The following SHANK1 variants were observed in gnomAD, a reference collection of about 807,000 sequenced individuals.
SHANK1 encodes the protein SH3 and multiple ankyrin repeat domains 1.
Under a neutral mutation model 165.6 loss-of-function variants are expected in SHANK1, and 35 were observed. The observed-to-expected ratio is 0.21, with a 90% CI of 0.16 to 0.28. SHANK1 has a LOEUF of 0.28. Among genes scored for constraint, SHANK1 ranks in the 10% least tolerant of loss-of-function variants. SHANK1 has a pLI of 1.00. For missense variants in SHANK1, 2,681 were observed against 3,036.4 expected, an observed-to-expected ratio of 0.88 and a Z score of 2.75; for synonymous variants, 1,428 against 1,384.8, an observed-to-expected ratio of 1.03 and a Z score of -0.69.
intron 21 of SHANK1, among the ~76,000 whole-genome samples, chr19:50,681,857 G>C (rs1986191286): frequency 6.6e-6 from 1 of 151,730 alleles, no homozygotes; most frequent in Non-Finnish European, 1.5e-5. Context: ...CTGCAGCTTT[G>C]ACCTCCCTTG....
chr19:50,671,668 G>A (rs1343704639), intron 22 of SHANK1, among the ~76,000 whole-genome samples: 1 of 152,020 alleles, frequency 6.6e-6, no homozygotes, highest in Non-Finnish European at 1.5e-5. Flanking sequence ...GGCATGTGGG[G>A]AGCGCTTGGT....
chr19:50,711,101 C>T lies in SHANK1; in HGVS notation c.1077+270G>A, dbSNP rs544722637. 8 of 437,908 alleles carry T rather than the reference C, an allele frequency of 1.8e-5. No homozygotes were observed. In the Admixed American group the frequency reaches 2.9e-4, roughly 16 times the overall value. The allele number at this position is 437,908 out of a possible 1,614,324, so 27.1% of individuals were successfully genotyped here. On this transcript the variant is annotated intron_variant, in intron 8 of 23. Coordinates refer to ENST00000293441, the MANE Select transcript of SHANK1 (RefSeq NM_016148.5). The stretch of plus-strand genomic sequence containing the variant: ...TGTAGCAGCAAACTATGTTGTCTGC[C>T]CTCTGCTAGGCCATGAGCTCAACAC...
At position 50,667,013 on chromosome 19, in the gene SHANK1, G is replaced by C. The variant is rs996546146; in HGVS notation, c.4947C>G (p.Gly1649=). 1 of 1,557,520 alleles carries C rather than the reference G, an allele frequency of 6.4e-7. No homozygotes were observed. Among genetic ancestry groups the C allele is most frequent in the Non-Finnish European group, 8.7e-7 (1 of 1,154,002 alleles). The part of the protein sequence containing the change: ...SAAPGDPHPP[G]PPAPAAPAPA... ...GAGCCGGTGCTGCTGGGGCAGGCGGGCCTGGTGGATGGGGGTCCCCAGGAG... is the reference window on the plus strand; with the variant it reads ...GAGCCGGTGCTGCTGGGGCAGGCGGCCCTGGTGGATGGGGGTCCCCAGGAG... Residue 1649 remains glycine (G), a synonymous_variant, in exon 23 of 24, where the codon GGC becomes GGG. Coordinates refer to ENST00000293441, the MANE Select transcript of SHANK1 (RefSeq NM_016148.5). This position sits in a 1 kb window ranked among gnomAD's most constrained non-coding sequence, Gnocchi z 5.7.
Position 50,666,501 on chromosome 19 carries a change from G to C in SHANK1, c.5459C>G (p.Pro1820Arg). ...GVAGGPVAVEPEVPPVPLPTA... is the reference protein window; with the variant it reads ...GVAGGPVAVEREVPPVPLPTA... Reference sequence around the variant, plus strand: ...CGGCAAGGGCACCGGTGGGACTTCTGGCTCTACAGCCACCGGACCCCCCGC... The same window carrying C: ...CGGCAAGGGCACCGGTGGGACTTCTCGCTCTACAGCCACCGGACCCCCCGC... Residue 1820 changes from proline (P) to arginine (R), a missense_variant, in exon 23 of 24, where the codon CCA becomes CGA. By Grantham distance (103) the Pro-to-Arg change is moderately radical (BLOSUM62 -2). This residue lies in a region of SHANK1 where 1,713 missense variants were observed against 1,630.2 expected (regional missense o/e 1.05). Coordinates refer to ENST00000293441, the MANE Select transcript of SHANK1 (RefSeq NM_016148.5). 5.7e-6 allele frequency: 9 copies of C among 1,591,848 alleles called. 1 individual carries two copies. The South Asian group carries it at 9.0e-5, about 16-fold the overall frequency.
intron 15 of SHANK1, among the ~76,000 whole-genome samples, chr19:50,696,851 C>T (rs1986757268): frequency 6.6e-6 from 1 of 152,134 alleles, no homozygotes; most frequent in Non-Finnish European, 1.5e-5. Flanking sequence ...GAGCCAGCCC[C>T]ACAGTCATCA....
At chr19:50,706,786 A>C (rs970499920) in intron 8 of SHANK1, among the ~76,000 whole-genome samples, 3 of 151,506 alleles carry the variant, frequency 2.0e-5, no homozygotes, top group Admixed American at 6.6e-5. Context: ...TTATTTTTAA[A>C]ATTTTTTTGA....
rs565163328 is a variant in SHANK1, at chr19:50,686,588, C to T, written c.2458+156G>A. Among the ~76,000 whole-genome samples, 1 of 147,968 alleles carries T rather than the reference C, an allele frequency of 6.8e-6. No homozygotes were observed. The highest frequency in any genetic ancestry group is 2.5e-5 in the African/African-American group (1 of 40,622). Reference sequence around the variant, plus strand: ...GGGTGCGGGCAGGGAACGGGGCAGCCGTCGGGAGAGGGCGGGCGGAGGGAG... The same window carrying T: ...GGGTGCGGGCAGGGAACGGGGCAGCTGTCGGGAGAGGGCGGGCGGAGGGAG... On this transcript the variant is annotated intron_variant, in intron 20 of 23. Transcript: ENST00000293441. The surrounding 1 kb of genome is among the most constrained non-coding windows in gnomAD (Gnocchi z 5.7).
At chr19:50,673,779 T>A (rs983701221) in intron 21 of SHANK1, among the ~76,000 whole-genome samples, 3 of 151,768 alleles carry the variant, frequency 2.0e-5, no homozygotes, top group African/African-American at 7.3e-5. Flanking sequence ...CTGGATAATA[T>A]CGGTCTTTGC....
Position 50,713,407 on chromosome 19 carries a change from G to A in SHANK1, c.792+391C>T, listed in dbSNP as rs1212278850. On this transcript the variant is annotated intron_variant, in intron 6 of 23. Transcript: ENST00000293441. The surrounding 1 kb of genome is among the most constrained non-coding windows in gnomAD (Gnocchi z 6.2). ...GGTTTGGAAGGGTAGCTGGGGGGCT[G>A]TTTTCAGGGTGTGTGTGGAGGGGCT... Among the ~76,000 whole-genome samples the A allele has an allele frequency of 4.0e-5, 6 of 151,762 alleles. No homozygotes were observed. Among genetic ancestry groups the A allele is most frequent in the African/African-American group, 1.2e-4 (5 of 41,278 alleles).
intron 22 of SHANK1, among the ~76,000 whole-genome samples, chr19:50,669,955 C>G (rs181815303): frequency 4.6e-5 from 7 of 152,252 alleles, no homozygotes; most frequent in African/African-American, 1.4e-4. Context: ...AAGGCTCGGT[C>G]TTTGAACCTC....
In SHANK1 at chr19:50,668,737, C is replaced by T. The variant is rs1434435369; in HGVS notation, c.3223G>A (p.Gly1075Ser). 2.5e-5 allele frequency: 32 copies of T among 1,274,542 alleles called. No individual in the cohort carries two copies. Among genetic ancestry groups the T allele is most frequent in the Middle Eastern group, 3.0e-4 (1 of 3,374 alleles). The allele number at this position is 1,274,542 out of a possible 1,614,324, so 79.0% of individuals were successfully genotyped here. Residue 1075 changes from glycine to serine, a missense_variant, in exon 23 of 24, where the codon GGC becomes AGC. Physicochemically the swap from Gly to Ser is moderately conservative, Grantham distance 56 (BLOSUM62 0). This residue lies in a region of SHANK1 where 1,713 missense variants were observed against 1,630.2 expected (regional missense o/e 1.05). Transcript: ENST00000293441. ...CGTAGAGCCGGGCCCTGGGAGGAGC[C>T]GCCGCCCCCGCCCGCGCTGCCGTGG... is the stretch of plus-strand genomic sequence containing the variant. ...SHHGSAGGGG[G>S]SSQGPALRYF...
At chr19:50,677,438 C>A (rs1375523569) in intron 21 of SHANK1, among the ~76,000 whole-genome samples, 1 of 152,086 alleles carries the variant, frequency 6.6e-6, no homozygotes, top group Non-Finnish European at 1.5e-5. Context: ...CCCCATACTT[C>A]TTTAACAAGA....
At chr19:50,681,193 CAGAG>C (rs905600338) in intron 21 of SHANK1, among the ~76,000 whole-genome samples, 2 of 151,560 alleles carry the variant, frequency 1.3e-5, no homozygotes, top group Non-Finnish European at 2.9e-5. Flanking sequence ...TGTATTGACT[CAGAG>C]AGCGGGAAAG....
chr19:50,662,380 G>A lies in SHANK1; in HGVS notation c.6071C>T (p.Pro2024Leu), dbSNP rs865824347. The change falls in exon 24 of 24, where the codon CCT becomes CTT. Residue 2024 changes from proline (P) to leucine (L), a missense_variant. Transcript: ENST00000293441. The surrounding 1 kb of genome is among the most constrained non-coding windows in gnomAD (Gnocchi z 7.7). ...GAGGCCTGGGTAGAGGGGTCCGGAA[G>A]GCAGGATGGGCAGGGACGAGGGCCT... ...APRPSSLPIL[P>L]SGPLYPGLFD... 1 of 1,576,242 alleles carries A rather than the reference G, an allele frequency of 6.3e-7. No individual in the cohort carries two copies. Among genetic ancestry groups the A allele is most frequent in the Non-Finnish European group, 8.6e-7 (1 of 1,159,890 alleles).
In SHANK1 at chr19:50,670,017, C is replaced by G. The variant is rs1985735583; in HGVS notation, c.2675-732G>C. On this transcript the variant is annotated intron_variant, in intron 22 of 23. Coordinates refer to ENST00000293441, the MANE Select transcript of SHANK1 (RefSeq NM_016148.5). The surrounding 1 kb of genome is among the most constrained non-coding windows in gnomAD (Gnocchi z 4.1). ...ACTAGTGACCAGCTTCATTCACTGCCTTTCTGCTGTCGACGCCCACGTTTA... is the reference window on the plus strand; with the variant it reads ...ACTAGTGACCAGCTTCATTCACTGCGTTTCTGCTGTCGACGCCCACGTTTA... 6.6e-6 allele frequency among the ~76,000 whole-genome samples: 1 copy of G among 152,136 alleles called. No homozygotes were observed. The highest frequency in any genetic ancestry group is 2.4e-5 in the African/African-American group (1 of 41,408).
intron 12 of SHANK1, among the ~76,000 whole-genome samples, chr19:50,701,276 G>T (rs982868651): frequency 1.3e-5 from 2 of 151,032 alleles, no homozygotes; most frequent in African/African-American, 4.9e-5. Context: ...CCGCCTCCCG[G>T]GTTCAAGCAA....
At chr19:50,685,073 G>A (rs1188348898) in intron 21 of SHANK1, among the ~76,000 whole-genome samples, 1 of 152,252 alleles carries the variant, frequency 6.6e-6, no homozygotes, top group African/African-American at 2.4e-5. Context: ...ACTACGTGGT[G>A]GATGCGGCCA....
rs777406131 is a variant in SHANK1, at chr19:50,697,080, G to C, written c.1964+16C>G. Reference sequence around the variant, plus strand: ...CCCCTCCTGACCCCATCCCCTCCCTGCCCCTCGCCTCTCACCTCCCTGGGC... The same window carrying C: ...CCCCTCCTGACCCCATCCCCTCCCTCCCCCTCGCCTCTCACCTCCCTGGGC... On this transcript the variant is annotated intron_variant, in intron 15 of 23. Coordinates refer to ENST00000293441, the MANE Select transcript of SHANK1 (RefSeq NM_016148.5). The surrounding 1 kb of genome is among the most constrained non-coding windows in gnomAD (Gnocchi z 4.7). 1.3e-6 allele frequency: 2 copies of C among 1,597,356 alleles called. No individual in the cohort carries two copies. The highest frequency in any genetic ancestry group is 1.7e-6 in the Non-Finnish European group (2 of 1,170,706).
At position 50,666,195 on chromosome 19, in the gene SHANK1, T is replaced by A; in HGVS notation, c.5765A>T (p.Gln1922Leu). The change falls in exon 23 of 24, where the codon CAG (glutamine) becomes CTG (leucine). Residue 1922 changes from glutamine to leucine, a missense_variant. Physicochemically the swap from Gln to Leu is moderately radical, Grantham distance 113. Transcript: ENST00000293441. ...VPERTSSLQR[Q>L]RLSDDSQSSL... is the part of the protein sequence containing the mutation. ...TTGGCCACCAGCCCCCGCTTACCTC[T>A]GCCGCTGCAGGGAGGAGGTCCTCTC... 6.3e-7 allele frequency: 1 copy of A among 1,591,518 alleles called. No individual in the cohort carries two copies. The highest frequency in any genetic ancestry group is 8.6e-7 in the Non-Finnish European group (1 of 1,169,396).
Sources: allele counts gnomAD v4.1 joint callset (sites outside exome capture counted in the v4.1 genomes callset), GRCh38; gene constraint gnomAD v4.1.1; regional missense constraint gnomAD v4.1.1; non-coding constraint Gnocchi (gnomAD v3.1); transcripts MANE v1.5; gene names NCBI Gene and HGNC (gene_info 2026-07-23, HGNC 2026-07-21).